Variants in IQCM observed in about 807,000 individuals in gnomAD.
The protein encoded by IQCM is IQ motif containing M, also known as IQ domain-containing protein M.
IQCM carries 45 observed loss-of-function variants against 57.6 expected under a neutral mutation model. That is an observed-to-expected ratio of 0.78 (90% CI 0.62 to 1.00). The LOEUF (loss-of-function observed/expected upper bound fraction) is 1.00. Ranked by LOEUF, IQCM falls within the 50% of genes least tolerant of loss-of-function variation. IQCM has a pLI of 0.00. For synonymous variants in IQCM, 148 were observed against 158.9 expected, an observed-to-expected ratio of 0.93 and a Z score of 0.51; for missense variants, 468 against 511.6, an observed-to-expected ratio of 0.91 and a Z score of 0.82.
intron 7 of IQCM, among the ~76,000 whole-genome samples, chr4:149,658,558 G>T (rs1409819222): frequency 6.6e-6 from 1 of 151,768 alleles, no homozygotes; most frequent in African/African-American, 2.4e-5. Context: ...TTTTCATAGG[G>T]TTGCTTCAGG....
chr4:149,582,429 C>T (rs190325552), intron 9 of IQCM, among the ~76,000 whole-genome samples: 76 of 137,878 alleles, frequency 5.5e-4, no homozygotes, highest in Admixed American at 5.2e-3. Flanking sequence ...GGAGGGGTGA[C>T]TTCTAGAAGA....
intron 12 of IQCM, among the ~76,000 whole-genome samples, chr4:149,481,701 G>GTTTTTTTTTTTTGTTTTTTTTTTTTTTTT (rs751057249): frequency 5.8e-5 from 3 of 51,578 alleles, no homozygotes; most frequent in Admixed American, 2.5e-4. Flanking sequence ...TTCCAGTTTT[G>GTTTTTTTTTTTTGTTTTTTTTTTTTTTTT]TTTTTTTTTT....
chr4:149,612,439 T>A (rs983038960), intron 8 of IQCM, among the ~76,000 whole-genome samples: 2 of 152,176 alleles, frequency 1.3e-5, no homozygotes, highest in Non-Finnish European at 2.9e-5. Flanking sequence ...TTTGTCACAC[T>A]TTTAGACACA....
At position 149,621,227 on chromosome 4, in the gene IQCM, A is replaced by T; in HGVS notation, c.583T>A (p.Trp195Arg). ...LKEPDKAFYD[W>R]RGFVLTRSFR... is the part of the protein sequence containing the mutation. ...GACCTTGTCAGCACAAATCCTCTCC[A>T]GTCATAGAATGCTTTGTCTGTTAGA... Residue 195 changes from tryptophan (W) to arginine (R), a missense_variant, in exon 8 of 14, where the codon TGG becomes AGG. Physicochemically the swap from Trp to Arg is moderately radical, Grantham distance 101. Transcript: ENST00000636793. 8.1e-7 allele frequency: 1 copy of T among 1,230,914 alleles called. No homozygotes were observed. Among genetic ancestry groups the T allele is most frequent in the South Asian group, 4.1e-5 (1 of 24,304 alleles). The allele number at this position is 1,230,914 out of a possible 1,614,324, so 76.2% of individuals were successfully genotyped here.
chr4:149,772,241 T>C (rs1770653375), intron 2 of IQCM, among the ~76,000 whole-genome samples: 1 of 152,168 alleles, frequency 6.6e-6, no homozygotes, highest in African/African-American at 2.4e-5. Context: ...GAACCACTAA[T>C]AGTTCATAAA....
chr4:149,626,765 C>CA (rs1185257695), intron 7 of IQCM, among the ~76,000 whole-genome samples: 14 of 151,846 alleles, frequency 9.2e-5, no homozygotes, highest in Non-Finnish European at 1.3e-4. Context: ...CTCAAGATCA[C>CA]AAAAAATAAA....
intron 12 of IQCM, among the ~76,000 whole-genome samples, chr4:149,495,276 A>G (rs1742538642): frequency 1.3e-5 from 2 of 152,128 alleles, no homozygotes; most frequent in Admixed American, 1.3e-4. Context: ...ACACAACTAC[A>G]TAAGCAAACA....
intron 5 of IQCM, among the ~76,000 whole-genome samples, chr4:149,713,238 G>A (rs999338242): frequency 8.5e-5 from 13 of 152,052 alleles, no homozygotes; most frequent in African/African-American, 1.9e-4. Context: ...GTGATTCATC[G>A]ATACTACCAC....
intron 9 of IQCM, among the ~76,000 whole-genome samples, chr4:149,575,627 C>T (rs1751561639): frequency 6.6e-6 from 1 of 151,838 alleles, no homozygotes; most frequent in African/African-American, 2.4e-5. Context: ...AACAAGTGCC[C>T]TCCTATTTTT....
At chr4:149,533,814 C>T (rs969360390) in intron 12 of IQCM, among the ~76,000 whole-genome samples, 5 of 152,082 alleles carry the variant, frequency 3.3e-5, no homozygotes, top group Middle Eastern at 3.2e-3. Flanking sequence ...ATGGGAATTA[C>T]AGTTGAAGAT....
chr4:149,704,526 A>G (rs1442512437), intron 5 of IQCM, among the ~76,000 whole-genome samples: 2 of 151,876 alleles, frequency 1.3e-5, no homozygotes, highest in Non-Finnish European at 2.9e-5. Context: ...CCCTTTACAG[A>G]AAACGTTTTC....
At chr4:149,486,429 A>G (rs1193698143) in intron 12 of IQCM, among the ~76,000 whole-genome samples, 4 of 151,792 alleles carry the variant, frequency 2.6e-5, no homozygotes, top group Admixed American at 1.3e-4. Context: ...ACCACCACCA[A>G]TCCACTGGGG....
At chr4:149,647,935 ATTTC>A (rs1758791569) in intron 7 of IQCM, among the ~76,000 whole-genome samples, 1 of 152,008 alleles carries the variant, frequency 6.6e-6, no homozygotes, top group African/African-American at 2.4e-5. Context: ...ACTCTTTTGT[ATTTC>A]TTTCTCATTG....
At chr4:149,594,275 T>G (rs1487071018) in intron 8 of IQCM, among the ~76,000 whole-genome samples, 1 of 152,198 alleles carries the variant, frequency 6.6e-6, no homozygotes, top group Non-Finnish European at 1.5e-5. Context: ...CTGATGGCAG[T>G]CTGTATTTCT....
At chr4:149,452,986 C>T (rs1263376183) in intron 12 of IQCM, among the ~76,000 whole-genome samples, 1 of 149,556 alleles carries the variant, frequency 6.7e-6, no homozygotes, top group East Asian at 2.0e-4. Flanking sequence ...CAAACTTGAA[C>T]ACGTACCCTG....
intron 7 of IQCM, among the ~76,000 whole-genome samples, chr4:149,629,867 A>G (rs1757109089): frequency 6.6e-6 from 1 of 151,986 alleles, no homozygotes; most frequent in South Asian, 2.1e-4. Context: ...AACATTTTGT[A>G]TTTGCAAACG....
At chr4:149,524,257 G>A (rs1442225916) in intron 12 of IQCM, among the ~76,000 whole-genome samples, 2 of 152,086 alleles carry the variant, frequency 1.3e-5, no homozygotes, top group Non-Finnish European at 2.9e-5. Flanking sequence ...GTGGTGTACT[G>A]ACTGAGGAGC....
At chr4:149,786,994 A>G (rs1772135389) in intron 2 of IQCM, among the ~76,000 whole-genome samples, 1 of 152,238 alleles carries the variant, frequency 6.6e-6, no homozygotes, top group Non-Finnish European at 1.5e-5. Context: ...AATACTAGGC[A>G]GCCATAAAAA....
At chr4:149,446,618 T>C (rs1342518610) in intron 12 of IQCM, among the ~76,000 whole-genome samples, 1 of 151,662 alleles carries the variant, frequency 6.6e-6, no homozygotes. Flanking sequence ...TAATGGGTCT[T>C]ACATTTACTC....
Sources: allele counts gnomAD v4.1 joint callset (sites outside exome capture counted in the v4.1 genomes callset), GRCh38; gene constraint gnomAD v4.1.1; transcripts MANE v1.5; gene names NCBI Gene and HGNC (gene_info 2026-07-23, HGNC 2026-07-21).